The following RESP18 variants were observed in gnomAD, a reference collection of about 807,000 sequenced individuals.
RESP18 encodes regulated endocrine-specific protein 18.
In RESP18, 30 loss-of-function variants were observed where a neutral mutation model predicts 30.0. The ratio of observed to expected loss-of-function variants is 1.00; its 90% confidence interval spans 0.75 to 1.36. RESP18 has a LOEUF of 1.36. Ranked by LOEUF, RESP18 falls within the 40% of genes most tolerant of loss-of-function variation. The pLI, the probability that RESP18 is intolerant of heterozygous loss-of-function variation, is 0.00. For synonymous variants in RESP18, 117 were observed against 111.2 expected, an observed-to-expected ratio of 1.05 and a Z score of -0.33; for missense variants, 320 against 284.2, an observed-to-expected ratio of 1.13 and a Z score of -0.91.
intron 3 of RESP18, among the ~76,000 whole-genome samples, chr2:219,330,239 C>T (rs1278529842): frequency 6.6e-6 from 1 of 152,190 alleles, no homozygotes; most frequent in Non-Finnish European, 1.5e-5. Context: ...GCACTATGCA[C>T]ATATTAGTGT....
intron 6 of RESP18, among the ~76,000 whole-genome samples, chr2:219,328,670 T>A (rs540468652): frequency 6.6e-6 from 1 of 152,216 alleles, no homozygotes; most frequent in East Asian, 1.9e-4. Context: ...GAGTACTAGA[T>A]GGGCGGTTTC....
intron 2 of RESP18, among the ~76,000 whole-genome samples, chr2:219,331,541 C>T (rs918799078): frequency 6.6e-6 from 1 of 152,140 alleles, no homozygotes; most frequent in Non-Finnish European, 1.5e-5. Flanking sequence ...TAATAATTTC[C>T]TGGGGGTAAG....
intron 1 of RESP18, chr2:219,333,070 C>A: frequency 8.7e-7 from 1 of 1,150,788 alleles, no homozygotes. Context: ...CCACTTAAAA[C>A]CCTTTAGAAA....
intron 2 of RESP18, chr2:219,331,097 T>G (rs1278727356): frequency 4.3e-5 from 20 of 464,188 alleles, no homozygotes; most frequent in Admixed American, 3.8e-5. Context: ...TGGTACCAAC[T>G]TACAGATAAC....
At position 219,327,533 on chromosome 2, in the gene RESP18, G is replaced by A. The variant is rs374337407; in HGVS notation, c.671C>T (p.Pro224Leu). The change falls in exon 7 of 7, where the codon CCG becomes CTG. Residue 224 changes from proline to leucine, a missense_variant. Coordinates refer to ENST00000333527, the MANE Select transcript of RESP18 (RefSeq NM_001007089.4). Reference sequence around the variant, plus strand: ...AGGTCTCAATCAGCCACAGGGTTGCGGCCCACAGTAGGAAGTGGCCCAGAG... The same window carrying A: ...AGGTCTCAATCAGCCACAGGGTTGCAGCCCACAGTAGGAAGTGGCCCAGAG... 298 of 1,551,598 alleles carry A rather than the reference G, an allele frequency of 1.9e-4. No homozygotes were observed. The highest frequency in any genetic ancestry group is 1.5e-3 in the African/African-American group (113 of 73,146).
intron 4 of RESP18, 155 bp from the exon 4 acceptor site, chr2:219,329,407 A>G (rs778257189): frequency 1.3e-6 from 2 of 1,550,970 alleles, no homozygotes; most frequent in Admixed American, 3.9e-5. Flanking sequence ...TCCTCTTGCT[A>G]GAAGAGACAG....
chr2:219,330,639 G>A, intron 3 of RESP18, 132 bp downstream of exon 2: 1 of 603,186 alleles, frequency 1.7e-6, no homozygotes, highest in Non-Finnish European at 2.9e-6. Flanking sequence ...CATCCCCATG[G>A]GGGTAAATGT....
chr2:219,331,470 A>G (rs1313280278), intron 2 of RESP18, among the ~76,000 whole-genome samples: 2 of 152,170 alleles, frequency 1.3e-5, no homozygotes, highest in Non-Finnish European at 1.5e-5. Flanking sequence ...TGTAGTTACC[A>G]TGAGCCATTC....
chr2:219,333,092 C>T (rs554724151), intron 1 of RESP18: 130 of 1,214,686 alleles, frequency 1.1e-4, no homozygotes, highest in Non-Finnish European at 1.3e-4. Context: ...CATATAGGTT[C>T]GATCTGCTAT....
Position 219,332,567 on chromosome 2 carries a change from C to T in RESP18, c.189G>A (p.Leu63=), listed in dbSNP as rs1407115505. 15 of 1,551,294 alleles carry T rather than the reference C, an allele frequency of 9.7e-6. No homozygotes were observed. The highest frequency in any genetic ancestry group is 2.7e-5 in the African/African-American group (2 of 73,056). ...TGCAGCCCCCCGGGCAGCTGTTCAG[C>T]AGCAGGAAGCAGACAAGCAGCTGGA... The change falls in exon 2 of 7, where the codon CTG becomes CTA. Residue 63 remains leucine (L), a synonymous_variant. Coordinates refer to ENST00000333527, the MANE Select transcript of RESP18 (RefSeq NM_001007089.4).
rs1952845342 is a variant in RESP18, at chr2:219,332,728, C to A, written c.28G>T (p.Ala10Ser). The A allele has an allele frequency of 1.3e-6, 2 of 1,545,028 alleles. No homozygotes were observed. Among genetic ancestry groups the A allele is most frequent in the Non-Finnish European group, 1.7e-6 (2 of 1,143,122 alleles). ...GGGGCTGCAGCTTCCCACCAGCCCG[C>A]GACTCCGAATCTGTTTAACCCTCCT... The change falls in exon 2 of 7, where the codon GCG becomes TCG. Residue 10 changes from alanine to serine, a missense_variant. Transcript: ENST00000333527.
chr2:219,331,444 CTG>C (rs976736141), intron 2 of RESP18, among the ~76,000 whole-genome samples: 9 of 151,326 alleles, frequency 5.9e-5, no homozygotes, highest in African/African-American at 2.2e-4. Context: ...GGAGGACAGT[CTG>C]TTTTTTGCTA....
intron 3 of RESP18, 23 bp from the exon 3 acceptor site, chr2:219,329,787 G>A (rs142513156): frequency 1.0e-5 from 16 of 1,547,104 alleles, no homozygotes; most frequent in Non-Finnish European, 1.3e-5. Flanking sequence ...AGGATGGGGG[G>A]TGAGTTGACA....
chr2:219,329,761 A>C lies in RESP18; in HGVS notation c.341T>G (p.Leu114Arg), dbSNP rs1437995361. The C allele has an allele frequency of 1.5e-5, 24 of 1,551,068 alleles. No homozygotes were observed. Among genetic ancestry groups the C allele is most frequent in the Non-Finnish European group, 2.0e-5 (23 of 1,146,480 alleles). The change falls in exon 4 of 7, where the codon CTG (leucine) becomes CGG (arginine). Residue 114 changes from leucine (L) to arginine (R), a missense_variant. Leu to Arg is a moderately radical substitution (Grantham distance 102). Transcript: ENST00000333527. ...CTGGGTGATGTCATCCTTCCAGAAC[A>C]GACCTGCAGGATGAAAGGATGGGGG...
intron 1 of RESP18, chr2:219,333,107 AT>A: frequency 3.2e-6 from 4 of 1,241,408 alleles, no homozygotes; most frequent in Non-Finnish European, 4.3e-6. Context: ...TGCTATATAT[AT>A]ATATATAATA....
chr2:219,327,570 CAAG>C lies in RESP18; in HGVS notation c.641-10_641-8del. The C allele has an allele frequency of 8.4e-6, 13 of 1,551,342 alleles. No individual in the cohort carries two copies. The highest frequency in any genetic ancestry group is 3.6e-5 in the South Asian group (3 of 84,044). On this transcript the variant is annotated splice_polypyrimidine_tract_variant and splice_region_variant and intron_variant, in intron 6 of 6. Transcript: ENST00000333527. Reference sequence around the variant, plus strand: ...GAAGTGGCCCAGAGAAGCCCTAAAACAAGAAGAAACAAGGGAGCTAGAGTCAGG... The same window carrying C: ...GAAGTGGCCCAGAGAAGCCCTAAAACAAGAAACAAGGGAGCTAGAGTCAGG...
Position 219,332,958 on chromosome 2 carries a change from C to T in RESP18, c.17+203G>A, listed in dbSNP as rs1322430783. 5.3e-5 allele frequency among the ~76,000 whole-genome samples: 8 copies of T among 152,114 alleles called. 1 individual carries two copies. The highest frequency in any genetic ancestry group is 7.4e-5 in the Non-Finnish European group (5 of 68,022). ...CGTAAGATACGGGTGCAAGTTGTACCTACTCAGGTTTGTTGTGAGAATCAA... is the reference window on the plus strand; with the variant it reads ...CGTAAGATACGGGTGCAAGTTGTACTTACTCAGGTTTGTTGTGAGAATCAA... On this transcript the variant is annotated intron_variant, in intron 1 of 6. Transcript: ENST00000333527.
chr2:219,329,511 A>C lies in RESP18; in HGVS notation c.465+126T>G, dbSNP rs1004826114. The C allele has an allele frequency of 3.3e-6, 5 of 1,516,378 alleles. No individual in the cohort carries two copies. In the African/African-American group the frequency reaches 9.8e-5, roughly 30 times the overall value. 93.9% of individuals were successfully genotyped at this position (1,516,378 alleles called of 1,614,324 possible). A position where few individuals can be genotyped will look rare whatever the true frequency, so the allele number is the denominator to read the frequency against. ...CATGAAATTCTTCTCTGCTGATTCC[A>C]AACAGGACCTCTGAATTCTCACAGT... On this transcript the variant is annotated intron_variant, in intron 4 of 6. Coordinates refer to ENST00000333527, the MANE Select transcript of RESP18 (RefSeq NM_001007089.4).
Position 219,330,867 on chromosome 2 carries a change from C to G in RESP18, c.241G>C (p.Asp81His). 1 of 1,550,430 alleles carries G rather than the reference C, an allele frequency of 6.4e-7. No homozygotes were observed. Among genetic ancestry groups the G allele is most frequent in the Non-Finnish European group, 8.7e-7 (1 of 1,145,870 alleles). ...CAAAGCTGCCCCACTCCTACTTGGT[C>G]CTGACCATCTAAGGGCAAAATAGTG... Residue 81 changes from aspartate to histidine, a missense_variant, in exon 3 of 7, where the codon GAC becomes CAC. By Grantham distance (81) the Asp-to-His change is moderately conservative. Transcript: ENST00000333527.
Sources: gnomAD v4.1 joint callset for allele counts (sites outside exome capture counted in the v4.1 genomes callset) on GRCh38, gnomAD v4.1.1 for gene constraint, MANE v1.5 for transcripts, NCBI Gene and HGNC (gene_info 2026-07-23, HGNC 2026-07-21) for gene names.